The following ATG7 variants were observed in gnomAD, a reference collection of about 807,000 sequenced individuals.
ATG7 encodes autophagy related 7.
Under a neutral mutation model 82.4 loss-of-function variants are expected in ATG7, and 70 were observed. The observed-to-expected ratio is 0.85, with a 90% confidence interval of 0.70 to 1.04. ATG7 has a LOEUF of 1.04. Among genes scored for constraint, ATG7 ranks in the 50% least tolerant of loss-of-function variants. ATG7 has a pLI of 0.00. For missense variants in ATG7, 792 were observed against 864.3 expected (o/e 0.92, Z 1.05); for synonymous variants, 287 against 313.0 (o/e 0.92, Z 0.88).
intron 20 of ATG7, among the ~76,000 whole-genome samples, chr3:11,527,027 GTGTGTGTGTATATA>G (rs1183250576): frequency 2.1e-5 from 3 of 141,836 alleles, no homozygotes; most frequent in South Asian, 4.4e-4. Flanking sequence ...GTATATATAT[GTGTGTGTGTATATA>G]TGTGTGTGTG....
intron 20 of ATG7, among the ~76,000 whole-genome samples, chr3:11,540,405 C>T (rs891965128): frequency 2.6e-5 from 4 of 152,126 alleles, no homozygotes; most frequent in Admixed American, 6.6e-5. Flanking sequence ...ATGTTTCCAT[C>T]GGGTTGTTAT....
chr3:11,571,855 T>C, the ATG7 span, among the ~76,000 whole-genome samples: 1 of 151,150 alleles, frequency 6.6e-6, no homozygotes, highest in East Asian at 2.0e-4. Context: ...ACCTGTAATC[T>C]CATCACTTTG....
chr3:11,372,701 A>G (rs2152832630), intron 18 of ATG7, among the ~76,000 whole-genome samples: 1 of 151,322 alleles, frequency 6.6e-6, no homozygotes, highest in Admixed American at 6.6e-5. Flanking sequence ...ACTAAGGGAA[A>G]AAAAATGTAA....
intron 17 of ATG7, among the ~76,000 whole-genome samples, chr3:11,363,561 C>T (rs2076409897): frequency 6.6e-6 from 1 of 152,128 alleles, no homozygotes; most frequent in Non-Finnish European, 1.5e-5. Context: ...CTCCTTTAAT[C>T]TTCATAGCAA....
intron 20 of ATG7, among the ~76,000 whole-genome samples, chr3:11,484,020 T>G (rs934932049): frequency 5.9e-5 from 9 of 152,194 alleles, no homozygotes; most frequent in African/African-American, 2.2e-4. Flanking sequence ...ATTTGACAAT[T>G]ACTTATGGGC....
the ATG7 span, among the ~76,000 whole-genome samples, chr3:11,563,497 C>A: frequency 6.6e-6 from 1 of 152,228 alleles, no homozygotes; most frequent in African/African-American, 2.4e-5. Context: ...GTCCATTTCC[C>A]CAATTAGACT....
intron 18 of ATG7, among the ~76,000 whole-genome samples, chr3:11,365,894 T>C (rs2076571623): frequency 6.6e-6 from 1 of 152,120 alleles, no homozygotes; most frequent in African/African-American, 2.4e-5. Flanking sequence ...TTCCTGTTGG[T>C]ACCCCAGCCC....
intron 20 of ATG7, among the ~76,000 whole-genome samples, chr3:11,536,640 T>TC (rs1220440705): frequency 6.6e-6 from 1 of 151,962 alleles, no homozygotes; most frequent in Non-Finnish European, 1.5e-5. Flanking sequence ...TGGCGGGGAG[T>TC]CCCGAGAGCG....
chr3:11,398,562 A>G (rs1050953931), intron 19 of ATG7, among the ~76,000 whole-genome samples: 1 of 152,246 alleles, frequency 6.6e-6, no homozygotes, highest in Non-Finnish European at 1.5e-5. Flanking sequence ...GATATGGAGA[A>G]AGCAGTACTT....
In ATG7 at chr3:11,309,502, A is replaced by G. The variant is rs567961508; in HGVS notation, c.411+441A>G. ...CAGAAACATGTTTTCTGTAAGCGAA[A>G]TCTAATTAAAATGAACGTTAAGGGC... On this transcript the variant is annotated intron_variant, in intron 7 of 20. Coordinates refer to ENST00000693202, the MANE Select transcript of ATG7 (RefSeq NM_001349232.2). 2.8e-4 allele frequency among the ~76,000 whole-genome samples: 43 copies of G among 152,176 alleles called. 1 individual carries two copies. Among genetic ancestry groups the G allele is most frequent in the Non-Finnish European group, 4.4e-5 (3 of 68,016 alleles).
downstream of ATG7, among the ~76,000 whole-genome samples, chr3:11,561,125 AC>A (rs60878177): frequency 0.23 from 33,603 of 147,104 alleles, 4,378 homozygotes; most frequent in African/African-American, 0.36. Flanking sequence ...GCTCTAGGAG[AC>A]CCCCCCCCAG....
chr3:11,555,005 G>A lies in ATG7; in HGVS notation c.*162G>A, dbSNP rs937287788. ...TGCTGCCCAGGAGTGGCCAGTGTTCGGCGTTGCTCGGGATTCAAGATACCA... is the reference window on the plus strand; with the variant it reads ...TGCTGCCCAGGAGTGGCCAGTGTTCAGCGTTGCTCGGGATTCAAGATACCA... On this transcript the variant is annotated 3_prime_UTR_variant, in exon 21 of 21. Coordinates refer to ENST00000693202, the MANE Select transcript of ATG7 (RefSeq NM_001349232.2). 3.0e-5 allele frequency: 25 copies of A among 844,600 alleles called. No individual in the cohort carries two copies. Among genetic ancestry groups the A allele is most frequent in the African/African-American group, 1.9e-4 (11 of 57,436 alleles). 52.3% of individuals were successfully genotyped at this position (844,600 alleles called of 1,614,324 possible).
chr3:11,491,629 G>C (rs2090364952), intron 20 of ATG7, among the ~76,000 whole-genome samples: 1 of 152,232 alleles, frequency 6.6e-6, no homozygotes, highest in East Asian at 1.9e-4. Flanking sequence ...TTTGATGTTG[G>C]TGATGTACAG....
chr3:11,308,998 A>G lies in ATG7; in HGVS notation c.348A>G (p.Ile116Met). 1 of 1,613,910 alleles carries G rather than the reference A, an allele frequency of 6.2e-7. No homozygotes were observed. The highest frequency in any genetic ancestry group is 8.5e-7 in the Non-Finnish European group (1 of 1,179,776). Residue 116 changes from isoleucine to methionine, a missense_variant, in exon 7 of 21, where the codon ATA becomes ATG. Coordinates refer to ENST00000693202, the MANE Select transcript of ATG7 (RefSeq NM_001349232.2). ...EQAANEIWES[I>M]KSGTALENPV... ...TCTTCTTGCAGATATGGGAATCCAT[A>G]AAATCAGGCACTGCTCTTGAAAACC...
rs2084412502 is a variant in ATG7, at chr3:11,445,199, T to TG, written c.2079+18276dup. 3.9e-5 allele frequency among the ~76,000 whole-genome samples: 6 copies of TG among 152,366 alleles called. No individual in the cohort carries two copies. In the South Asian group the frequency reaches 1.2e-3, roughly 32 times the overall value. The stretch of plus-strand genomic sequence containing the variant: ...CCATTTGACCCAGCAATCCCATTAC[T>TG]GGGTATATACCCAAAGGAATATAAA... On this transcript the variant is annotated intron_variant, in intron 20 of 20. Coordinates refer to ENST00000693202, the MANE Select transcript of ATG7 (RefSeq NM_001349232.2).
the ATG7 span, among the ~76,000 whole-genome samples, chr3:11,567,163 C>T: frequency 2.6e-5 from 4 of 152,090 alleles, no homozygotes; most frequent in East Asian, 3.9e-4. Context: ...CTTAGTGACC[C>T]GAGGCGTTCC....
At chr3:11,450,077 T>C (rs1177227824) in intron 20 of ATG7, among the ~76,000 whole-genome samples, 1 of 152,248 alleles carries the variant, frequency 6.6e-6, no homozygotes, top group African/African-American at 2.4e-5. Flanking sequence ...ATGTAATGGC[T>C]AGTCTCTTGA....
chr3:11,427,272 T>C (rs1422184878), intron 20 of ATG7, among the ~76,000 whole-genome samples: 2 of 152,148 alleles, frequency 1.3e-5, no homozygotes, highest in East Asian at 3.9e-4. Context: ...TGTAAGTTGG[T>C]AAAGACATTG....
At position 11,362,928 on chromosome 3, in the gene ATG7, G is replaced by T; in HGVS notation, c.1799G>T (p.Gly600Val). The change falls in exon 17 of 21, where the codon GGG becomes GTG. Residue 600 changes from glycine (G) to valine (V), a missense_variant and splice_region_variant. By Grantham distance (109) the Gly-to-Val change is moderately radical. Coordinates refer to ENST00000693202, the MANE Select transcript of ATG7 (RefSeq NM_001349232.2). ...GTATCTGTTTTGCAGCATCCAGAAGGGTGAGTTTGCTAGTAGGAGATGAGT... is the reference window on the plus strand; with the variant it reads ...GTATCTGTTTTGCAGCATCCAGAAGTGTGAGTTTGCTAGTAGGAGATGAGT... The part of the protein sequence containing the change: ...LMVSVLQHPE[G>V]GYAIASSSDD... 1.9e-6 allele frequency: 3 copies of T among 1,613,320 alleles called. No homozygotes were observed. The highest frequency in any genetic ancestry group is 2.5e-6 in the Non-Finnish European group (3 of 1,179,612).
Sources: allele counts gnomAD v4.1 joint callset (sites outside exome capture counted in the v4.1 genomes callset), GRCh38; gene constraint gnomAD v4.1.1; transcripts MANE v1.5; gene names NCBI Gene and HGNC (gene_info 2026-07-23, HGNC 2026-07-21).